Variants in RHOQ observed in about 807,000 individuals in gnomAD.
RHOQ encodes rho-related GTP-binding protein RhoQ.
In RHOQ, 7 loss-of-function variants were observed where a neutral mutation model predicts 25.8. The ratio of observed to expected loss-of-function variants is 0.27; its 90% CI spans 0.15 to 0.51. RHOQ has a LOEUF of 0.51. Ranked by LOEUF, RHOQ falls within the 20% of genes least tolerant of loss-of-function variation. The pLI is 0.97. For synonymous variants in RHOQ, 97 were observed against 98.6 expected, an observed-to-expected ratio of 0.98 and a Z score of 0.10; for missense variants, 165 against 260.6, an observed-to-expected ratio of 0.63 and a Z score of 2.53.
At chr2:46,575,399 TCACACACACACACACACACACA>T (rs56002979) in intron 2 of RHOQ, among the ~76,000 whole-genome samples, 81 of 138,326 alleles carry the variant, frequency 5.9e-4, no homozygotes, top group African/African-American at 2.1e-3. Context: ...CTTTAAATCT[TCACACACACACACACACACACA>T]CACACACACA....
At chr2:46,560,635 C>T (rs1668545972) in intron 2 of RHOQ, 1 of 456,218 alleles carries the variant, frequency 2.2e-6, no homozygotes, top group Non-Finnish European at 4.4e-6. Flanking sequence ...TTCCAGTGGC[C>T]AGGATCTGTT....
intron 2 of RHOQ, among the ~76,000 whole-genome samples, chr2:46,565,887 A>C (rs997274332): frequency 6.6e-6 from 1 of 152,212 alleles, no homozygotes; most frequent in African/African-American, 2.4e-5. Flanking sequence ...AAACAGGATG[A>C]CAGGAGAAGC....
chr2:46,552,869 G>C lies in RHOQ; in HGVS notation c.201+9057G>C, dbSNP rs897636009. Among the ~76,000 whole-genome samples, 1 of 152,220 alleles carries C rather than the reference G, an allele frequency of 6.6e-6. No homozygotes were observed. The highest frequency in any genetic ancestry group is 6.5e-5 in the Admixed American group (1 of 15,286). On this transcript the variant is annotated intron_variant, in intron 2 of 4. Coordinates refer to ENST00000238738, the MANE Select transcript of RHOQ (RefSeq NM_012249.4). This position sits in a 1 kb window ranked among gnomAD's most constrained non-coding sequence, Gnocchi z 5.0. ...TTTATTGGGGGCACAGAGGAGGAAG[G>C]CTTATCCTTCCAAGGAGGTGAAATG...
In RHOQ at chr2:46,581,745, C is replaced by T; in HGVS notation, c.*662C>T. ...GTCATAACTGCATTTATCATGAACA[C>T]TAAAAATGTACACATTTTAGTTAAT... On this transcript the variant is annotated 3_prime_UTR_variant, in exon 5 of 5. Coordinates refer to ENST00000238738, the MANE Select transcript of RHOQ (RefSeq NM_012249.4). 9.1e-7 allele frequency: 1 copy of T among 1,093,772 alleles called. No homozygotes were observed. The highest frequency in any genetic ancestry group is 1.2e-6 in the Non-Finnish European group (1 of 802,758). 67.8% of individuals were successfully genotyped at this position (1,093,772 alleles called of 1,614,324 possible).
At chr2:46,557,299 T>C (rs747175383) in intron 2 of RHOQ, among the ~76,000 whole-genome samples, 8 of 152,214 alleles carry the variant, frequency 5.3e-5, no homozygotes, top group Non-Finnish European at 8.8e-5. Context: ...TAGTGATAAA[T>C]TATAAACACA....
At chr2:46,577,108 T>A (rs1344405200) in intron 4 of RHOQ, 1 of 152,722 alleles carries the variant, frequency 6.5e-6, no homozygotes, top group Non-Finnish European at 1.5e-5. Context: ...CCACCTAGGA[T>A]GACAGTTTAA....
chr2:46,574,129 T>C (rs1459826780), intron 2 of RHOQ, among the ~76,000 whole-genome samples: 1 of 152,220 alleles, frequency 6.6e-6, no homozygotes, highest in South Asian at 2.1e-4. Context: ...CGAGGTGTTA[T>C]GCGGAGTGCT....
At chr2:46,557,747 C>G (rs969022395) in intron 2 of RHOQ, among the ~76,000 whole-genome samples, 2 of 152,174 alleles carry the variant, frequency 1.3e-5, no homozygotes, top group African/African-American at 2.4e-5. Flanking sequence ...GCAGAAAAGA[C>G]ATTTCCCACT....
intron 2 of RHOQ, among the ~76,000 whole-genome samples, chr2:46,547,164 A>G (rs985061144): frequency 1.3e-5 from 2 of 152,228 alleles, no homozygotes; most frequent in Non-Finnish European, 2.9e-5. Context: ...TCATGGCACT[A>G]CAGGTCAGTT....
chr2:46,577,636 C>A (rs896720149), intron 4 of RHOQ, among the ~76,000 whole-genome samples: 10 of 141,600 alleles, frequency 7.1e-5, no homozygotes, highest in Admixed American at 5.9e-4. Flanking sequence ...AGGATGGTCT[C>A]GACCTCCTGG....
At chr2:46,550,528 T>G (rs1433508785) in intron 2 of RHOQ, among the ~76,000 whole-genome samples, 2 of 152,218 alleles carry the variant, frequency 1.3e-5, no homozygotes, top group East Asian at 1.9e-4. Context: ...TTTGCATGTT[T>G]CCTGAGACCT....
Position 46,581,384 on chromosome 2 carries a change from C to A in RHOQ, c.*301C>A. 6.6e-7 allele frequency: 1 copy of A among 1,514,952 alleles called. No homozygotes were observed. The highest frequency in any genetic ancestry group is 8.9e-7 in the Non-Finnish European group (1 of 1,127,914). 93.8% of individuals were successfully genotyped at this position (1,514,952 alleles called of 1,614,324 possible). ...CATCATGTTGTAACTACGTAAAAAA[C>A]AGAGCTGTAAATGGAACTGCTTGGC... On this transcript the variant is annotated 3_prime_UTR_variant, in exon 5 of 5. Transcript: ENST00000238738.
chr2:46,559,898 G>A (rs1057090412), intron 2 of RHOQ, among the ~76,000 whole-genome samples: 3 of 152,156 alleles, frequency 2.0e-5, no homozygotes, highest in African/African-American at 7.2e-5. Context: ...GTTGGAGGGG[G>A]GTCTCAATTT....
At chr2:46,550,064 C>G (rs938094524) in intron 2 of RHOQ, among the ~76,000 whole-genome samples, 13 of 151,318 alleles carry the variant, frequency 8.6e-5, no homozygotes, top group Non-Finnish European at 2.9e-5. Context: ...CCCAATTCTA[C>G]TAAATTTTTT....
At chr2:46,575,380 TA>T (rs1669077975) in intron 2 of RHOQ, among the ~76,000 whole-genome samples, 1 of 149,708 alleles carries the variant, frequency 6.7e-6, no homozygotes, top group South Asian at 2.1e-4. Context: ...GTTTACTGTG[TA>T]TGTTTCTCTT....
rs1029233233 is a variant in RHOQ, at chr2:46,556,898, A to C, written c.201+13086A>C. 2.0e-5 allele frequency among the ~76,000 whole-genome samples: 3 copies of C among 152,188 alleles called. No homozygotes were observed. Among genetic ancestry groups the C allele is most frequent in the Non-Finnish European group, 4.4e-5 (3 of 68,036 alleles). On this transcript the variant is annotated intron_variant, in intron 2 of 4. Transcript: ENST00000238738. This position sits in a 1 kb window ranked among gnomAD's most constrained non-coding sequence, Gnocchi z 4.9. ...GGGGCTTTCAAGGACCATCAGGTAC[A>C]TGGGTCTGATTTATGTTAACTCGTA...
chr2:46,579,791 G>A (rs1045556389), intron 4 of RHOQ, among the ~76,000 whole-genome samples: 1 of 150,818 alleles, frequency 6.6e-6, no homozygotes, highest in South Asian at 2.1e-4. Context: ...GTTGTGATGA[G>A]CCAAGATCGA....
intron 2 of RHOQ, among the ~76,000 whole-genome samples, chr2:46,551,652 A>G (rs1668245015): frequency 6.6e-6 from 1 of 152,148 alleles, no homozygotes. Context: ...AAAGAAAAGA[A>G]TGTGGGGAAA....
At position 46,560,206 on chromosome 2, in the gene RHOQ, G is replaced by A. The variant is rs1668532606; in HGVS notation, c.202-15881G>A. On this transcript the variant is annotated intron_variant, in intron 2 of 4. Coordinates refer to ENST00000238738, the MANE Select transcript of RHOQ (RefSeq NM_012249.4). ...TAACTGGCACCTCATTGCTCGCTCC[G>A]AATTTGGCTCCGTGGGCCTGTTAAG... 2.6e-5 allele frequency among the ~76,000 whole-genome samples: 4 copies of A among 152,182 alleles called. No homozygotes were observed. The South Asian group carries it at 8.3e-4, about 31-fold the overall frequency.
Sources: gnomAD v4.1 joint callset for allele counts (sites outside exome capture counted in the v4.1 genomes callset) on GRCh38, gnomAD v4.1.1 for gene constraint, Gnocchi (gnomAD v3.1) non-coding constraint, MANE v1.5 for transcripts, NCBI Gene and HGNC (gene_info 2026-07-23, HGNC 2026-07-21) for gene names.